FAM47E: variants seen among roughly 807,000 people sequenced by gnomAD.
The protein encoded by FAM47E is family with sequence similarity 47 member E.
Under a neutral mutation model 41.6 loss-of-function variants are expected in FAM47E, and 32 were observed. That is an observed-to-expected ratio of 0.77 (90% CI 0.58 to 1.03). The LOEUF (loss-of-function observed/expected upper bound fraction) is 1.03. FAM47E is among the 50% of genes least tolerant of loss of function. FAM47E has a pLI of 0.00. For missense variants in FAM47E, 424 were observed against 485.4 expected, an observed-to-expected ratio of 0.87 and a Z score of 1.19; for synonymous variants, 184 against 188.7, an observed-to-expected ratio of 0.98 and a Z score of 0.20.
At chr4:76,270,458 G>C (rs1251300233) in intron 4 of FAM47E, among the ~76,000 whole-genome samples, 1 of 152,212 alleles carries the variant, frequency 6.6e-6, no homozygotes, top group Non-Finnish European at 1.5e-5. Flanking sequence ...AGCTGCAACA[G>C]AGTGAGAGTG....
intron 1 of FAM47E, chr4:76,214,513 G>T (rs188825460): frequency 2.8e-6 from 1 of 351,508 alleles, no homozygotes; most frequent in African/African-American, 2.2e-5. Context: ...TGTTCAGGGG[G>T]TGGAGTCGGA....
chr4:76,233,256 G>T (rs548448958), intron 2 of FAM47E, among the ~76,000 whole-genome samples: 11 of 150,050 alleles, frequency 7.3e-5, no homozygotes, highest in Admixed American at 2.0e-4. Context: ...TTAATTAAGG[G>T]TGTGGTTAGT....
At chr4:76,276,037 GAC>G (rs796893693) in intron 5 of FAM47E, among the ~76,000 whole-genome samples, 165 of 62,344 alleles carry the variant, frequency 2.6e-3, no homozygotes, top group African/African-American at 8.2e-3. Flanking sequence ...CAGACAGACA[GAC>G]ACACACACAC....
At chr4:76,223,108 C>A (rs1733338718) in intron 2 of FAM47E, among the ~76,000 whole-genome samples, 1 of 152,196 alleles carries the variant, frequency 6.6e-6, no homozygotes, top group South Asian at 2.1e-4. Flanking sequence ...AGATGTCAAC[C>A]TCTTGTCAAT....
At chr4:76,268,004 C>T (rs1473987566) in intron 3 of FAM47E, 1 of 152,264 alleles carries the variant, frequency 6.6e-6, no homozygotes, top group Admixed American at 6.5e-5. Context: ...AAAGGGTACT[C>T]TCATACACTT....
rs1197460724 is a variant in FAM47E, at chr4:76,256,423, C to T, written c.320C>T (p.Ala107Val). ...EADVLSKLSP[A>V]QQARKAFLED... Reference sequence around the variant, plus strand: ...GACGTGCTTTCCAAGCTCTCGCCAGCCCAGCAGGCTCGGAAGGCATTCCTG... The same window carrying T: ...GACGTGCTTTCCAAGCTCTCGCCAGTCCAGCAGGCTCGGAAGGCATTCCTG... The change falls in exon 2 of 8, where the codon GCC (alanine) becomes GTC (valine). Residue 107 changes from alanine (A) to valine (V), a missense_variant. Physicochemically the swap from Ala to Val is moderately conservative, Grantham distance 64. Coordinates refer to ENST00000424749, the MANE Select transcript of FAM47E (RefSeq NM_001136570.3). 2 of 1,552,426 alleles carry T rather than the reference C, an allele frequency of 1.3e-6. No homozygotes were observed.
chr4:76,253,796 C>T lies in FAM47E; in HGVS notation c.74+1976C>T, dbSNP rs146038656. Reference sequence around the variant, plus strand: ...TCCAGCCTGGGTAACAGAGTGGAACCCTGTCTCGAATTAAAAAAAAAAAAG... The same window carrying T: ...TCCAGCCTGGGTAACAGAGTGGAACTCTGTCTCGAATTAAAAAAAAAAAAG... On this transcript the variant is annotated intron_variant, in intron 1 of 7. Transcript: ENST00000424749. Among the ~76,000 whole-genome samples the T allele has an allele frequency of 3.8e-5, 5 of 130,976 alleles. No homozygotes were observed. In the East Asian group the frequency reaches 1.0e-3, roughly 27 times the overall value. 85.9% of individuals were successfully genotyped at this position (130,976 alleles called of 152,430 possible). A position where few individuals can be genotyped will look rare whatever the true frequency, so the allele number is the denominator to read the frequency against.
intron 2 of FAM47E, among the ~76,000 whole-genome samples, chr4:76,223,626 G>A (rs956942576): frequency 6.6e-6 from 1 of 152,172 alleles, no homozygotes; most frequent in African/African-American, 2.4e-5. Context: ...TCAGGCCCTG[G>A]TCTGGGCCAA....
exon 1 of FAM47E, chr4:76,214,362 C>T (rs1733158941): frequency 4.4e-6 from 2 of 449,676 alleles, no homozygotes; most frequent in East Asian, 1.4e-4. Flanking sequence ...ACGTAAGGGG[C>T]ATGTGCAAGA....
At chr4:76,269,773 G>A (rs1734808672) in intron 4 of FAM47E, among the ~76,000 whole-genome samples, 1 of 135,850 alleles carries the variant, frequency 7.4e-6, no homozygotes, top group South Asian at 2.7e-4. Context: ...GGGCAACAAA[G>A]CAAGATCCTG....
chr4:76,264,877 T>G (rs1734564510), intron 3 of FAM47E, among the ~76,000 whole-genome samples: 1 of 152,238 alleles, frequency 6.6e-6, no homozygotes, highest in Non-Finnish European at 1.5e-5. Flanking sequence ...ATTACAGGCA[T>G]GAGCCACTGG....
chr4:76,238,243 A>G (rs972192475), intron 2 of FAM47E, among the ~76,000 whole-genome samples: 6 of 152,226 alleles, frequency 3.9e-5, no homozygotes, highest in African/African-American at 1.4e-4. Flanking sequence ...GAATGTTCCC[A>G]GGTTACTTTG....
chr4:76,262,626 T>A (rs1021558234), intron 2 of FAM47E, among the ~76,000 whole-genome samples: 2 of 152,230 alleles, frequency 1.3e-5, no homozygotes, highest in African/African-American at 4.8e-5. Context: ...CATTGTGGAT[T>A]TACATAAAAA....
intron 2 of FAM47E, among the ~76,000 whole-genome samples, chr4:76,219,863 T>C (rs180719177): frequency 1.3e-5 from 2 of 152,304 alleles, no homozygotes; most frequent in East Asian, 3.9e-4. Context: ...CTGAAATGAT[T>C]ACCTAGAAGC....
chr4:76,262,484 C>A (rs1311647554), intron 2 of FAM47E, among the ~76,000 whole-genome samples: 3 of 152,012 alleles, frequency 2.0e-5, no homozygotes, highest in Non-Finnish European at 2.9e-5. Context: ...TGTGTTTCAT[C>A]TTTGCATCAT....
At chr4:76,247,937 CAG>C (rs1288807687), upstream of FAM47E, among the ~76,000 whole-genome samples, 2 of 38,710 alleles carry the variant, frequency 5.2e-5, no homozygotes, top group Admixed American at 7.3e-4. Context: ...TTTTTTGAGA[CAG>C]AGTCTTGCTC....
intron 2 of FAM47E, among the ~76,000 whole-genome samples, chr4:76,221,233 G>A (rs1246404762): frequency 6.6e-6 from 1 of 152,112 alleles, no homozygotes; most frequent in Non-Finnish European, 1.5e-5. Context: ...CTTCACTAAT[G>A]GTAAGCTTGG....
At position 76,266,094 on chromosome 4, in the gene FAM47E, G is replaced by A. The variant is rs555580555; in HGVS notation, c.560+2251G>A. On this transcript the variant is annotated intron_variant, in intron 3 of 7. Transcript: ENST00000424749. ...TGTTGTATACATAGTAGCAATTGACGTAATTGATCATGTCCTCTTTCTCAT... is the reference window on the plus strand; with the variant it reads ...TGTTGTATACATAGTAGCAATTGACATAATTGATCATGTCCTCTTTCTCAT... Among the ~76,000 whole-genome samples, 49 of 152,314 alleles carry A rather than the reference G, an allele frequency of 3.2e-4. 1 individual carries two copies. Among genetic ancestry groups the A allele is most frequent in the African/African-American group, 1.1e-3 (44 of 41,570 alleles).
intron 2 of FAM47E, among the ~76,000 whole-genome samples, chr4:76,237,722 T>C (rs1733618283): frequency 6.6e-6 from 1 of 152,092 alleles, no homozygotes; most frequent in Non-Finnish European, 1.5e-5. Flanking sequence ...CTCACAGTCA[T>C]GACAGAAGGT....
Sources: allele counts gnomAD v4.1 joint callset (sites outside exome capture counted in the v4.1 genomes callset), GRCh38; gene constraint gnomAD v4.1.1; transcripts MANE v1.5; gene names NCBI Gene and HGNC (gene_info 2026-07-23, HGNC 2026-07-21).